GAB4: variants seen among roughly 807,000 people sequenced by gnomAD.
The protein encoded by GAB4 is GRB2 associated binding protein family member 4.
Under a neutral mutation model 51.3 loss-of-function variants are expected in GAB4, and 26 were observed. The ratio of observed to expected loss-of-function variants is 0.51; its 90% CI spans 0.37 to 0.70. GAB4 has a LOEUF of 0.70. Ranked by LOEUF, GAB4 falls within the 30% of genes least tolerant of loss-of-function variation. The pLI is 0.00. For synonymous variants in GAB4, 329 were observed against 291.2 expected (o/e 1.13, Z -1.32); for missense variants, 759 against 734.6 (o/e 1.03, Z -0.38).
intron 1 of GAB4, among the ~76,000 whole-genome samples, chr22:17,005,835 T>C (rs552469885): frequency 1.2e-4 from 18 of 152,298 alleles, no homozygotes; most frequent in East Asian, 3.9e-4. Context: ...TTATATCTTA[T>C]ACAAAAATTA....
chr22:16,965,695 G>A (rs1424600389), intron 6 of GAB4, among the ~76,000 whole-genome samples: 3 of 152,152 alleles, frequency 2.0e-5, no homozygotes, highest in Non-Finnish European at 2.9e-5. Context: ...AGGCTCCAGC[G>A]CCACTCGCTG....
At chr22:16,982,625 G>T (rs2060835788) in intron 3 of GAB4, among the ~76,000 whole-genome samples, 1 of 152,098 alleles carries the variant, frequency 6.6e-6, no homozygotes, top group Non-Finnish European at 1.5e-5. Flanking sequence ...AATACATTCA[G>T]TATTCTCTAC....
chr22:16,995,004 T>G (rs935171750), intron 1 of GAB4, among the ~76,000 whole-genome samples: 3 of 152,248 alleles, frequency 2.0e-5, no homozygotes, highest in Non-Finnish European at 4.4e-5. Flanking sequence ...AGGTGATTTT[T>G]CTTCTTTATT....
chr22:16,975,830 G>A (rs2123670308), intron 3 of GAB4, among the ~76,000 whole-genome samples: 1 of 152,296 alleles, frequency 6.6e-6, no homozygotes, highest in South Asian at 2.1e-4. Flanking sequence ...ATCCATCTTT[G>A]CTGTTCTGTA....
At chr22:16,990,668 G>A (rs1472149704) in intron 2 of GAB4, among the ~76,000 whole-genome samples, 2 of 152,162 alleles carry the variant, frequency 1.3e-5, no homozygotes. Flanking sequence ...CCATGACCCA[G>A]AGTCCATTTA....
chr22:16,966,488 T>C, intron 5 of GAB4, 124 bp from the exon 6 acceptor site: 2 of 966,648 alleles, frequency 2.1e-6, no homozygotes, highest in Non-Finnish European at 3.0e-6. Flanking sequence ...TTGATCACCT[T>C]GGCTGGGGGC....
chr22:16,970,412 G>A (rs1327399791), intron 3 of GAB4, among the ~76,000 whole-genome samples: 3 of 152,066 alleles, frequency 2.0e-5, no homozygotes, highest in Admixed American at 1.3e-4. Context: ...TCTGTAAAAT[G>A]GTGATTAAAA....
chr22:17,006,175 GA>G (rs201193032), intron 1 of GAB4, among the ~76,000 whole-genome samples: 1 of 151,940 alleles, frequency 6.6e-6, no homozygotes, highest in African/African-American at 2.4e-5. Flanking sequence ...AAATTTACAA[GA>G]AAAAAACAAC....
At chr22:16,969,881 C>T (rs2060714648) in intron 4 of GAB4, 62 bp downstream of exon 4, 1 of 1,598,714 alleles carries the variant, frequency 6.3e-7, no homozygotes, top group African/African-American at 1.3e-5. Context: ...CACTATTGTT[C>T]ACCAGGTGGC....
chr22:16,991,131 A>G (rs2060910077), intron 2 of GAB4, among the ~76,000 whole-genome samples: 2 of 152,072 alleles, frequency 1.3e-5, no homozygotes, highest in Non-Finnish European at 1.5e-5. Context: ...TATCCTCCCA[A>G]AAAAAGTGGG....
chr22:16,975,478 G>A (rs1601259080), intron 3 of GAB4, among the ~76,000 whole-genome samples: 1 of 152,318 alleles, frequency 6.6e-6, no homozygotes, highest in South Asian at 2.1e-4. Flanking sequence ...TCTCTGGGCA[G>A]GACATCTCTG....
chr22:16,997,789 T>G (rs1212937910), intron 1 of GAB4, among the ~76,000 whole-genome samples: 1 of 152,160 alleles, frequency 6.6e-6, no homozygotes, highest in Non-Finnish European at 1.5e-5. Flanking sequence ...GTCTAACATT[T>G]AAGTTTTTAA....
chr22:16,996,461 C>G (rs544955524), intron 1 of GAB4, among the ~76,000 whole-genome samples: 2 of 152,036 alleles, frequency 1.3e-5, no homozygotes, highest in African/African-American at 4.8e-5. Flanking sequence ...CAAAGACCAC[C>G]ACCATGATAC....
intron 3 of GAB4, among the ~76,000 whole-genome samples, chr22:16,971,403 G>A (rs754600361): frequency 3.9e-5 from 6 of 152,144 alleles, no homozygotes; most frequent in African/African-American, 9.7e-5. Flanking sequence ...TACAGCCTTC[G>A]GCTTTATGAG....
At chr22:16,969,798 A>G (rs563817527) in intron 4 of GAB4, 145 bp downstream of exon 4, 1 of 1,024,298 alleles carries the variant, frequency 9.8e-7, no homozygotes, top group South Asian at 1.5e-5. Context: ...GGCCACCACC[A>G]TGGCATAGAG....
chr22:16,981,930 C>G (rs1370980367), intron 3 of GAB4, among the ~76,000 whole-genome samples: 2 of 152,142 alleles, frequency 1.3e-5, no homozygotes, highest in Non-Finnish European at 2.9e-5. Flanking sequence ...GAACATGATA[C>G]ACCACATTAA....
chr22:16,974,603 G>C (rs1457473843), intron 3 of GAB4, among the ~76,000 whole-genome samples: 1 of 152,182 alleles, frequency 6.6e-6, no homozygotes, highest in Non-Finnish European at 1.5e-5. Context: ...TATCAACCCA[G>C]AGCTCTCCCC....
chr22:16,986,227 C>T (rs1348089994), intron 3 of GAB4, among the ~76,000 whole-genome samples: 6 of 152,220 alleles, frequency 3.9e-5, no homozygotes, highest in African/African-American at 1.4e-4. Flanking sequence ...CAGTCTGTGT[C>T]AGCAAGGCAG....
chr22:17,006,059 G>T (rs771349904), intron 1 of GAB4, among the ~76,000 whole-genome samples: 2 of 152,134 alleles, frequency 1.3e-5, no homozygotes, highest in Non-Finnish European at 2.9e-5. Context: ...CATAGCAAAA[G>T]AAACTATCAT....
Sources: allele counts gnomAD v4.1 joint callset (sites outside exome capture counted in the v4.1 genomes callset), GRCh38; gene constraint gnomAD v4.1.1; transcripts MANE v1.5; gene names NCBI Gene and HGNC (gene_info 2026-07-23, HGNC 2026-07-21).